The following PCSK2 variants were observed in gnomAD, a reference collection of about 807,000 sequenced individuals.
The protein encoded by PCSK2 is neuroendocrine convertase 2.
Under a neutral mutation model 69.7 loss-of-function variants are expected in PCSK2, and 14 were observed. The observed-to-expected ratio is 0.20, with a 90% CI of 0.13 to 0.31. The LOEUF (loss-of-function observed/expected upper bound fraction) is 0.31. Among genes scored for constraint, PCSK2 ranks in the 10% least tolerant of loss-of-function variants. PCSK2 has a pLI of 1.00. For synonymous variants in PCSK2, 307 were observed against 320.7 expected (o/e 0.96, Z 0.46); for missense variants, 544 against 842.5 (o/e 0.65, Z 4.39).
intron 3 of PCSK2, among the ~76,000 whole-genome samples, chr20:17,360,260 T>C (rs1381254175): frequency 6.6e-6 from 1 of 151,842 alleles, no homozygotes; most frequent in Non-Finnish European, 1.5e-5. Context: ...AAGATAGTGA[T>C]CTAGTTATAA....
At chr20:17,321,205 T>C (rs1353570566) in intron 2 of PCSK2, among the ~76,000 whole-genome samples, 1 of 152,232 alleles carries the variant, frequency 6.6e-6, no homozygotes, top group African/African-American at 2.4e-5. Context: ...TTTCATTCTG[T>C]CCCTGTCGTC....
chr20:17,305,404 A>G, intron 2 of PCSK2, among the ~76,000 whole-genome samples: 1 of 152,166 alleles, frequency 6.6e-6, no homozygotes, highest in African/African-American at 2.4e-5. Flanking sequence ...AGCTAAATCC[A>G]AAGAGGATAG....
intron 2 of PCSK2, among the ~76,000 whole-genome samples, chr20:17,275,976 C>A (rs547730123): frequency 6.6e-5 from 10 of 152,170 alleles, no homozygotes; most frequent in Admixed American, 5.2e-4. Flanking sequence ...TATTACTTAT[C>A]TGAAAGGTTG....
intron 2 of PCSK2, among the ~76,000 whole-genome samples, chr20:17,324,140 C>T (rs1410331566): frequency 6.6e-6 from 1 of 152,244 alleles, no homozygotes; most frequent in African/African-American, 2.4e-5. Flanking sequence ...AGCCTGATAA[C>T]ATACCTTGTA....
At chr20:17,421,875 A>G (rs1241727143) in intron 6 of PCSK2, among the ~76,000 whole-genome samples, 1 of 151,496 alleles carries the variant, frequency 6.6e-6, no homozygotes, top group Non-Finnish European at 1.5e-5. Flanking sequence ...TTATCCTAAA[A>G]TCCACTATTC....
chr20:17,288,277 C>T (rs769511503), intron 2 of PCSK2, among the ~76,000 whole-genome samples: 1 of 152,152 alleles, frequency 6.6e-6, no homozygotes, highest in Non-Finnish European at 1.5e-5. Flanking sequence ...GCTCCCAAAG[C>T]CAGCAGAAAT....
chr20:17,385,571 A>T (rs2031212756), intron 5 of PCSK2, among the ~76,000 whole-genome samples: 1 of 152,228 alleles, frequency 6.6e-6, no homozygotes, highest in Non-Finnish European at 1.5e-5. Context: ...CTCCTTTTCC[A>T]TGCATGATGC....
At chr20:17,325,884 G>A (rs1318252749) in intron 2 of PCSK2, among the ~76,000 whole-genome samples, 1 of 152,112 alleles carries the variant, frequency 6.6e-6, no homozygotes, top group Non-Finnish European at 1.5e-5. Context: ...CCACCAGTGG[G>A]CTAACCCAGG....
At chr20:17,472,153 A>G (rs2033212825) in intron 11 of PCSK2, among the ~76,000 whole-genome samples, 1 of 152,212 alleles carries the variant, frequency 6.6e-6, no homozygotes. Context: ...GCTGGGAGTG[A>G]CCTGTCTAAC....
At chr20:17,262,701 G>A (rs1252808381) in intron 2 of PCSK2, among the ~76,000 whole-genome samples, 1 of 152,184 alleles carries the variant, frequency 6.6e-6, no homozygotes, top group Non-Finnish European at 1.5e-5. Flanking sequence ...TAAGTCTAGA[G>A]TAGGAATACC....
intron 2 of PCSK2, among the ~76,000 whole-genome samples, chr20:17,332,896 C>G (rs1382202201): frequency 1.3e-5 from 2 of 152,154 alleles, no homozygotes; most frequent in Admixed American, 1.3e-4. Context: ...GAGAATCCTA[C>G]CTTATTTTGG....
intron 1 of PCSK2, among the ~76,000 whole-genome samples, chr20:17,249,464 G>A (rs916160941): frequency 1.7e-4 from 23 of 138,320 alleles, no homozygotes; most frequent in African/African-American, 2.5e-4. Context: ...CCGAGATCGC[G>A]CCACTGCACT....
At chr20:17,321,561 T>C (rs572480656) in intron 2 of PCSK2, among the ~76,000 whole-genome samples, 25 of 152,338 alleles carry the variant, frequency 1.6e-4, no homozygotes, top group South Asian at 4.1e-4. Context: ...CAAAATCAGG[T>C]AATGATAAGT....
intron 1 of PCSK2, among the ~76,000 whole-genome samples, chr20:17,246,851 G>A (rs1227255081): frequency 2.0e-5 from 3 of 149,996 alleles, no homozygotes; most frequent in East Asian, 2.0e-4. Flanking sequence ...TACTTAATTT[G>A]TGTTTTAGAT....
intron 2 of PCSK2, among the ~76,000 whole-genome samples, chr20:17,328,385 A>G (rs933201195): frequency 1.9e-4 from 28 of 148,762 alleles, no homozygotes; most frequent in South Asian, 8.4e-4. Context: ...CATATATTAC[A>G]TAATTATATA....
At chr20:17,314,739 T>G (rs186232053) in intron 2 of PCSK2, among the ~76,000 whole-genome samples, 104 of 152,316 alleles carry the variant, frequency 6.8e-4, no homozygotes, top group African/African-American at 2.5e-3. Flanking sequence ...TTTTTTAAGA[T>G]CCTTTCTATT....
chr20:17,292,058 A>G (rs182608813), intron 2 of PCSK2, among the ~76,000 whole-genome samples: 1 of 152,224 alleles, frequency 6.6e-6, no homozygotes, highest in East Asian at 1.9e-4. Flanking sequence ...AGCACATTGC[A>G]GTCCTCAGTA....
intron 11 of PCSK2, among the ~76,000 whole-genome samples, chr20:17,465,886 CT>C (rs1295834899): frequency 6.6e-6 from 1 of 152,134 alleles, no homozygotes; most frequent in Non-Finnish European, 1.5e-5. Context: ...CCAAGCTGGT[CT>C]CAAACTCCTG....
chr20:17,312,618 C>T (rs1487668811), intron 2 of PCSK2, among the ~76,000 whole-genome samples: 2 of 152,032 alleles, frequency 1.3e-5, no homozygotes, highest in African/African-American at 4.8e-5. Flanking sequence ...GTCCTATGCA[C>T]TGTTCTGCAC....
Sources: allele counts gnomAD v4.1 joint callset (sites outside exome capture counted in the v4.1 genomes callset), GRCh38; gene constraint gnomAD v4.1.1; transcripts MANE v1.5; gene names NCBI Gene and HGNC (gene_info 2026-07-23, HGNC 2026-07-21).